Variants in FOXN1 observed in about 807,000 individuals in gnomAD.
The protein encoded by FOXN1 is forkhead box N1.
FOXN1 carries 15 observed loss-of-function variants against 49.0 expected under a neutral mutation model. The observed-to-expected ratio is 0.31, with a 90% confidence interval of 0.20 to 0.47. The LOEUF (loss-of-function observed/expected upper bound fraction) is 0.47, where lower values mean the gene tolerates loss of function less well. Ranked by LOEUF, FOXN1 falls within the 20% of genes least tolerant of loss-of-function variation. The probability of loss-of-function intolerance (pLI) is 1.00; values close to 1 mark genes in which losing one functional copy is unlikely to be tolerated. For synonymous variants in FOXN1, 356 were observed against 369.0 expected (o/e 0.96, Z 0.40); for missense variants, 800 against 842.8 (o/e 0.95, Z 0.63).
At chr17:28,510,770 G>A (rs934604660) in intron 1 of FOXN1, among the ~76,000 whole-genome samples, 1 of 152,236 alleles carries the variant, frequency 6.6e-6, no homozygotes, top group Non-Finnish European at 1.5e-5. Context: ...GGCACCAAGA[G>A]CATGTGGCTT....
chr17:28,537,286 C>A lies in FOXN1; in HGVS notation c.1797C>A (p.Ala599=), dbSNP rs767404170. ...ETGSGAGDLA[A]PGSGGSGALG... The stretch of plus-strand genomic sequence containing the variant: ...GCAGTGGGGCAGGTGACTTGGCAGC[C>A]CCGGGCAGTGGTGGCTCCGGGGCAC... Residue 599 remains alanine, a synonymous_variant, in exon 9 of 9, where the codon GCC becomes GCA. Coordinates refer to ENST00000579795, the MANE Select transcript of FOXN1 (RefSeq NM_001369369.1). The A allele has an allele frequency of 5.0e-6, 8 of 1,613,882 alleles. No individual in the cohort carries two copies. The African/African-American group carries it at 5.3e-5, about 11-fold the overall frequency.
At chr17:28,524,451 C>T in intron 2 of FOXN1, 52 bp from the exon 3 acceptor site, 1 of 1,509,894 alleles carries the variant, frequency 6.6e-7, no homozygotes, top group South Asian at 1.1e-5. Flanking sequence ...CAGCCAGTCC[C>T]CAGGCCTGGT....
At chr17:28,528,926 T>A (rs1173233503) in intron 4 of FOXN1, among the ~76,000 whole-genome samples, 168 bp from the exon 5 acceptor site, 2 of 152,100 alleles carry the variant, frequency 1.3e-5, no homozygotes. Context: ...GGTGTGGATC[T>A]CCTCACAGCC....
In FOXN1 at chr17:28,537,736, C is replaced by T. The variant is rs569202493; in HGVS notation, c.*300C>T. ...TCACACTCATCCACACTTAAGCCCT[C>T]GTGCACACACACAAATTATTCAGAT... On this transcript the variant is annotated 3_prime_UTR_variant, in exon 9 of 9. Coordinates refer to ENST00000579795, the MANE Select transcript of FOXN1 (RefSeq NM_001369369.1). 28 of 518,656 alleles carry T rather than the reference C, an allele frequency of 5.4e-5. No homozygotes were observed. Among genetic ancestry groups the T allele is most frequent in the Non-Finnish European group, 8.8e-5 (25 of 283,374 alleles). 32.1% of individuals were successfully genotyped at this position (518,656 alleles called of 1,614,324 possible).
chr17:28,537,186 C>T lies in FOXN1; in HGVS notation c.1697C>T (p.Pro566Leu), dbSNP rs12603884. The T allele has an allele frequency of 8.2e-5, 132 of 1,613,834 alleles. No individual in the cohort carries two copies. The highest frequency in any genetic ancestry group is 4.9e-4 in the Middle Eastern group (3 of 6,084). Residue 566 changes from proline to leucine, a missense_variant, in exon 9 of 9, where the codon CCG becomes CTG. By Grantham distance (98) the Pro-to-Leu change is moderately conservative (BLOSUM62 -3). This residue lies in a region of FOXN1 where 344 missense variants were observed against 366.1 expected (regional missense o/e 0.94). Coordinates refer to ENST00000579795, the MANE Select transcript of FOXN1 (RefSeq NM_001369369.1). ...CCCCTGGTACTGGTGACCTCATCCC[C>T]GACATCATCTTCGATGCCACCACCC... is the stretch of plus-strand genomic sequence containing the variant. ...LDPLVLVTSS[P>L]TSSSMPPPQP...
chr17:28,519,915 T>G (rs1202703618), intron 1 of FOXN1, among the ~76,000 whole-genome samples: 1 of 152,136 alleles, frequency 6.6e-6, no homozygotes, highest in Non-Finnish European at 1.5e-5. Context: ...GGGAGTTCCC[T>G]TCCTGATGCT....
intron 8 of FOXN1, among the ~76,000 whole-genome samples, chr17:28,535,963 T>G (rs999280336): frequency 2.6e-5 from 4 of 152,140 alleles, no homozygotes; most frequent in African/African-American, 4.8e-5. Context: ...AGATAGGAGT[T>G]TGGGGAGGGT....
intron 1 of FOXN1, among the ~76,000 whole-genome samples, chr17:28,510,907 C>T (rs2069382271): frequency 6.6e-6 from 1 of 152,190 alleles, no homozygotes. Flanking sequence ...TGAGGGTGGT[C>T]AAGGGAGAAA....
chr17:28,524,728 A>C lies in FOXN1; in HGVS notation c.349A>C (p.Lys117Gln), dbSNP rs1183829510. ...AAASSPGRFLKGSHAPFHPYK... is the reference protein window; with the variant it reads ...AAASSPGRFLQGSHAPFHPYK... ...AGCAAGCAGCCCTGGGCGATTCCTCAAGGGCAGCCACGCGCCCTTCCACCC... is the reference window on the plus strand; with the variant it reads ...AGCAAGCAGCCCTGGGCGATTCCTCCAGGGCAGCCACGCGCCCTTCCACCC... Residue 117 changes from lysine (K) to glutamine (Q), a missense_variant, in exon 3 of 9, where the codon AAG becomes CAG. This residue lies in a region of FOXN1 where 383 missense variants were observed against 357.9 expected (regional missense o/e 1.07). Coordinates refer to ENST00000579795, the MANE Select transcript of FOXN1 (RefSeq NM_001369369.1). The C allele has an allele frequency of 6.2e-7, 1 of 1,612,488 alleles. No homozygotes were observed. Among genetic ancestry groups the C allele is most frequent in the Non-Finnish European group, 8.5e-7 (1 of 1,179,506 alleles).
At chr17:28,527,213 TA>T in intron 3 of FOXN1, 37 bp from the exon 4 acceptor site, 1 of 1,366,352 alleles carries the variant, frequency 7.3e-7, no homozygotes, top group Non-Finnish European at 1.0e-6. Context: ...AGGGAGAAAA[TA>T]AGGCCTAATC....
Position 28,515,493 on chromosome 17 carries a change from G to A in FOXN1, c.-14-8463G>A, listed in dbSNP as rs529530127. Among the ~76,000 whole-genome samples, 11 of 151,652 alleles carry A rather than the reference G, an allele frequency of 7.3e-5. No homozygotes were observed. The South Asian group carries it at 2.1e-3, about 29-fold the overall frequency. ...TTCCACAGGGTACATACTTCCATAGGTGAACATACTTCCACAAGTGTACAC... is the reference window on the plus strand; with the variant it reads ...TTCCACAGGGTACATACTTCCATAGATGAACATACTTCCACAAGTGTACAC... On this transcript the variant is annotated intron_variant, in intron 1 of 8. Coordinates refer to ENST00000579795, the MANE Select transcript of FOXN1 (RefSeq NM_001369369.1).
In FOXN1 at chr17:28,534,321, G is replaced by C; in HGVS notation, c.928-10G>C. 6.2e-7 allele frequency: 1 copy of C among 1,614,148 alleles called. No homozygotes were observed. The highest frequency in any genetic ancestry group is 8.5e-7 in the Non-Finnish European group (1 of 1,180,028). ...CTGGCCTGAATGCTTGTCTTGCTCT[G>C]TTCCGGCAGACAGCACCCGATGGCT... On this transcript the variant is annotated splice_polypyrimidine_tract_variant and intron_variant, in intron 6 of 8. Transcript: ENST00000579795. This position sits in a 1 kb window ranked among gnomAD's most constrained non-coding sequence, Gnocchi z 4.1.
In FOXN1 at chr17:28,509,902, G is replaced by A. The variant is rs190911638; in HGVS notation, c.-15+3459G>A. On this transcript the variant is annotated intron_variant, in intron 1 of 8. Coordinates refer to ENST00000579795, the MANE Select transcript of FOXN1 (RefSeq NM_001369369.1). ...GATTTTTAGGGTTGATTAGGAGTGC[G>A]CATCCCCGGGTCTCTACCCTGCCTG... 7.7e-3 allele frequency among the ~76,000 whole-genome samples: 1,170 copies of A among 152,280 alleles called. 11 individuals are homozygous for A. Among genetic ancestry groups the A allele is most frequent in the African/African-American group, 0.027 (1,109 of 41,558 alleles).
intron 1 of FOXN1, among the ~76,000 whole-genome samples, chr17:28,516,320 C>T (rs2069499736): frequency 6.6e-6 from 1 of 151,888 alleles, no homozygotes; most frequent in African/African-American, 2.4e-5. Flanking sequence ...GGATCCACAC[C>T]TCCACAAGGT....
chr17:28,528,952 C>T (rs1405340605), intron 4 of FOXN1, 142 bp from the exon 5 acceptor site: 5 of 1,021,200 alleles, frequency 4.9e-6, no homozygotes, highest in Non-Finnish European at 6.0e-6. Flanking sequence ...GACAGCTCTG[C>T]TTTGGGGGTG....
chr17:28,518,988 T>C (rs2069585549), intron 1 of FOXN1, among the ~76,000 whole-genome samples: 1 of 152,222 alleles, frequency 6.6e-6, no homozygotes, highest in African/African-American at 2.4e-5. Flanking sequence ...CTCTGATTTG[T>C]AGGATTTGCT....
chr17:28,508,229 G>T (rs2069307786), intron 1 of FOXN1, among the ~76,000 whole-genome samples: 1 of 152,208 alleles, frequency 6.6e-6, no homozygotes, highest in East Asian at 1.9e-4. Context: ...GGAAACTAGA[G>T]AAAAATTAGG....
chr17:28,512,196 C>T (rs529708351), intron 1 of FOXN1, among the ~76,000 whole-genome samples: 1 of 152,336 alleles, frequency 6.6e-6, no homozygotes, highest in East Asian at 1.9e-4. Flanking sequence ...GTGCAAAAGC[C>T]TCCTGGTCCT....
In FOXN1 at chr17:28,515,960, C is replaced by T. The variant is rs561085237; in HGVS notation, c.-14-7996C>T. ...ATACCCTCCTCAACAGGTGTACACC[C>T]CTCCACAAGTATACACATTTCCACA... On this transcript the variant is annotated intron_variant, in intron 1 of 8. Transcript: ENST00000579795. 1.6e-4 allele frequency among the ~76,000 whole-genome samples: 25 copies of T among 151,882 alleles called. No homozygotes were observed. The South Asian group carries it at 4.2e-3, about 25-fold the overall frequency.
Sources: allele counts gnomAD v4.1 joint callset (sites outside exome capture counted in the v4.1 genomes callset), GRCh38; gene constraint gnomAD v4.1.1; regional missense constraint gnomAD v4.1.1; non-coding constraint Gnocchi (gnomAD v3.1); transcripts MANE v1.5; gene names NCBI Gene and HGNC (gene_info 2026-07-23, HGNC 2026-07-21).